The following BBS4 variants were observed in gnomAD, a reference collection of about 807,000 sequenced individuals.
BBS4 encodes BBSome complex member BBS4.
BBS4 carries 58 observed loss-of-function variants against 71.4 expected under a neutral mutation model. The ratio of observed to expected loss-of-function variants is 0.81; its 90% CI spans 0.66 to 1.01. The LOEUF is 1.01. BBS4 is among the 50% of genes least tolerant of loss of function. BBS4 has a pLI of 0.00. For synonymous variants in BBS4, 228 were observed against 216.8 expected, an observed-to-expected ratio of 1.05 and a Z score of -0.46; for missense variants, 660 against 607.9, an observed-to-expected ratio of 1.09 and a Z score of -0.90.
At chr15:72,729,161 CTTTTTTTT>C (rs71137313) in intron 9 of BBS4, among the ~76,000 whole-genome samples, 186 of 70,042 alleles carry the variant, frequency 2.7e-3, no homozygotes, top group Non-Finnish European at 3.9e-3. Context: ...ACTGTAGCTG[CTTTTTTTT>C]TTTTTTTTTT....
At chr15:72,731,815 T>G in intron 12 of BBS4, 89 bp downstream of exon 12, 2 of 1,484,690 alleles carry the variant, frequency 1.3e-6, no homozygotes, top group East Asian at 2.3e-5. Flanking sequence ...GGCTGTCTCA[T>G]AGGAGCCATT....
chr15:72,736,107 A>G, intron 14 of BBS4, 141 bp downstream of exon 14: 1 of 928,742 alleles, frequency 1.1e-6, no homozygotes, highest in Non-Finnish European at 1.6e-6. Flanking sequence ...TGAGTTCATC[A>G]ATTAATAACA....
At chr15:72,726,229 A>C (rs2065699404) in intron 8 of BBS4, among the ~76,000 whole-genome samples, 2 of 151,642 alleles carry the variant, frequency 1.3e-5, no homozygotes, top group African/African-American at 4.9e-5. Context: ...CTCATGCCTC[A>C]GCCTCCTGAG....
chr15:72,696,276 A>G (rs1296160075), intron 2 of BBS4, among the ~76,000 whole-genome samples: 1 of 152,170 alleles, frequency 6.6e-6, no homozygotes, highest in Non-Finnish European at 1.5e-5. Flanking sequence ...TTTGAAGTCT[A>G]CTTTGCCTGA....
Position 72,686,589 on chromosome 15 carries a change from A to G in BBS4, c.24+338A>G, listed in dbSNP as rs1205090347. The G allele has an allele frequency of 2.9e-6, 4 of 1,385,762 alleles. No homozygotes were observed. In the Admixed American group the frequency reaches 6.5e-5, roughly 22 times the overall value. The allele number at this position is 1,385,762 out of a possible 1,614,324, so 85.8% of individuals were successfully genotyped here. A position where few individuals can be genotyped will look rare whatever the true frequency, so the allele number is the denominator to read the frequency against. On this transcript the variant is annotated intron_variant, in intron 1 of 15. Transcript: ENST00000268057. ...GGTAATGACTAGCACTTGTGTAGAC[A>G]GTTCCTGTTAATCCCGTGAATTGGG...
chr15:72,732,843 T>C (rs1217338934), intron 12 of BBS4, among the ~76,000 whole-genome samples: 1 of 152,090 alleles, frequency 6.6e-6, no homozygotes, highest in Non-Finnish European at 1.5e-5. Context: ...TTTTCATGGG[T>C]AGAAATGCCC....
chr15:72,694,619 G>A (rs758331454), intron 1 of BBS4, among the ~76,000 whole-genome samples: 14 of 152,056 alleles, frequency 9.2e-5, no homozygotes, highest in Non-Finnish European at 1.8e-4. Flanking sequence ...CTAAGGATTG[G>A]TGTTTCTCAT....
At chr15:72,706,273 A>C (rs1414537995) in intron 2 of BBS4, among the ~76,000 whole-genome samples, 2 of 151,966 alleles carry the variant, frequency 1.3e-5, no homozygotes, top group African/African-American at 4.8e-5. Context: ...AGTAGCTGGG[A>C]TTATAGGTGC....
At position 72,715,341 on chromosome 15, in the gene BBS4, C is replaced by T; in HGVS notation, c.271C>T (p.Gln91Ter). 6.2e-7 allele frequency: 1 copy of T among 1,614,050 alleles called. No homozygotes were observed. ...TATCCAAGAATCCCTAGAACTCTTCCAGACATGTGCAGTTCTTAGTCCTCA... is the reference window on the plus strand; with the variant it reads ...TATCCAAGAATCCCTAGAACTCTTCTAGACATGTGCAGTTCTTAGTCCTCA... ...GNIQESLELF[Q>*]TCAVLSPQSA... Residue 91 changes from glutamine (Q) to a stop codon, truncating the protein, a stop_gained, in exon 5 of 16, where the codon CAG (glutamine) becomes TAG (stop). Transcript: ENST00000268057. LOFTEE classifies it high-confidence loss of function.
intron 6 of BBS4, among the ~76,000 whole-genome samples, chr15:72,719,903 A>G (rs2151028790): frequency 6.6e-6 from 1 of 151,934 alleles, no homozygotes; most frequent in Non-Finnish European, 1.5e-5. Flanking sequence ...GGCACCCGCC[A>G]CCATGCCCAG....
chr15:72,733,675 G>A (rs767729930), intron 12 of BBS4, among the ~76,000 whole-genome samples: 23 of 152,276 alleles, frequency 1.5e-4, no homozygotes, highest in Non-Finnish European at 2.8e-4. Context: ...GTCTACCATT[G>A]ATGGGCATTT....
chr15:72,712,328 C>T (rs1276961196), intron 4 of BBS4, 21 bp downstream of exon 4: 3 of 1,606,320 alleles, frequency 1.9e-6, no homozygotes, highest in Non-Finnish European at 2.6e-6. Flanking sequence ...TACTTCTTGT[C>T]TTCTTGCTAG....
At chr15:72,693,822 G>A (rs1312039821) in intron 1 of BBS4, among the ~76,000 whole-genome samples, 1 of 151,924 alleles carries the variant, frequency 6.6e-6, no homozygotes, top group Non-Finnish European at 1.5e-5. Context: ...GTCTTATTGT[G>A]ATATTGTCTT....
intron 10 of BBS4, 38 bp downstream of exon 10, chr15:72,729,722 C>T (rs760291721): frequency 1.8e-5 from 28 of 1,548,534 alleles, no homozygotes; most frequent in Admixed American, 1.5e-4. Context: ...TTCATATAGA[C>T]GGTCCCACTG....
intron 13 of BBS4, 40 bp downstream of exon 13, chr15:72,735,222 C>A (rs938607532): frequency 9.4e-5 from 141 of 1,505,116 alleles, no homozygotes; most frequent in Non-Finnish European, 1.3e-4. Flanking sequence ...GGGGGTTGGA[C>A]TCTCCAAAGC....
intron 13 of BBS4, chr15:72,735,602 G>A: frequency 1.6e-6 from 1 of 630,834 alleles, no homozygotes; most frequent in Non-Finnish European, 2.8e-6. Context: ...CTCTGTTGAG[G>A]GCTGAGATGC....
chr15:72,736,503 CTTG>C (rs1358789967), intron 14 of BBS4, among the ~76,000 whole-genome samples: 4 of 152,072 alleles, frequency 2.6e-5, no homozygotes, highest in Non-Finnish European at 4.4e-5. Context: ...CCCTATTTCA[CTTG>C]TTGTAGGAAA....
At chr15:72,686,906 C>A in intron 1 of BBS4, 3 of 256,886 alleles carry the variant, frequency 1.2e-5, no homozygotes, top group Non-Finnish European at 2.3e-5. Context: ...CCTGTTCTGT[C>A]CATTTGTTAG....
At chr15:72,694,433 C>A (rs2065040562) in intron 1 of BBS4, among the ~76,000 whole-genome samples, 1 of 152,170 alleles carries the variant, frequency 6.6e-6, no homozygotes, top group South Asian at 2.1e-4. Context: ...TCAAGTGATC[C>A]TCTCGCCTTG....
Sources: gnomAD v4.1 joint callset for allele counts (sites outside exome capture counted in the v4.1 genomes callset) on GRCh38, gnomAD v4.1.1 for gene constraint, MANE v1.5 for transcripts, NCBI Gene and HGNC (gene_info 2026-07-23, HGNC 2026-07-21) for gene names.